The following BPIFB4 variants were observed in gnomAD, a reference collection of about 807,000 sequenced individuals.
BPIFB4 encodes BPI fold containing family B member 4.
Under a neutral mutation model 69.2 loss-of-function variants are expected in BPIFB4, and 62 were observed. The observed-to-expected ratio is 0.90, with a 90% CI of 0.73 to 1.11. The LOEUF is 1.11. Among genes scored for constraint, BPIFB4 ranks in the 50% least tolerant of loss-of-function variants. The pLI is 0.00. For synonymous variants in BPIFB4, 330 were observed against 332.7 expected (o/e 0.99, Z 0.09); for missense variants, 789 against 792.0 (o/e 1.00, Z 0.04).
rs140490150 is a variant in BPIFB4, at chr20:33,101,506, G to T, written c.1637+1013G>T. On this transcript the variant is annotated intron_variant, in intron 14 of 17. Transcript: ENST00000375483. ...AATTATTATTCATTGGATGCTTTCCGTGTGCCAGGTATTTGGCTAAGTCCT... is the reference window on the plus strand; with the variant it reads ...AATTATTATTCATTGGATGCTTTCCTTGTGCCAGGTATTTGGCTAAGTCCT... Among the ~76,000 whole-genome samples, 221 of 152,232 alleles carry T rather than the reference G, an allele frequency of 1.5e-3. 1 individual carries two copies. Among genetic ancestry groups the T allele is most frequent in the African/African-American group, 5.0e-3 (209 of 41,540 alleles).
Position 33,102,904 on chromosome 20 carries a change from T to G in BPIFB4, c.1638-68T>G, listed in dbSNP as rs139507392. 2.8e-3 allele frequency: 4,159 copies of G among 1,493,606 alleles called. 10 individuals are homozygous for G. The highest frequency in any genetic ancestry group is 3.4e-3 in the Admixed American group (206 of 59,762). The allele number at this position is 1,493,606 out of a possible 1,614,324, so 92.5% of individuals were successfully genotyped here. ...AGTGGAGGGGCTTCTCACAATTTGT[T>G]GCAATGCAAGAGCCTTATGATTTTC... On this transcript the variant is annotated intron_variant, in intron 14 of 17. Coordinates refer to ENST00000375483, the MANE Select transcript of BPIFB4 (RefSeq NM_182519.3).
At position 33,111,466 on chromosome 20, in the gene BPIFB4, T is replaced by C. The variant is rs1437162346; in HGVS notation, c.*29T>C. The C allele has an allele frequency of 5.0e-6, 8 of 1,613,780 alleles. No homozygotes were observed. Among genetic ancestry groups the C allele is most frequent in the Non-Finnish European group, 6.8e-6 (8 of 1,179,766 alleles). ...ACAGAGGCAGAGATGCTGCTGCAAC[T>C]GGAAGAAGCTGGAACCAGTCCCAGA... On this transcript the variant is annotated 3_prime_UTR_variant, in exon 18 of 18. Coordinates refer to ENST00000375483, the MANE Select transcript of BPIFB4 (RefSeq NM_182519.3).
At chr20:33,083,319 G>A (rs1246788756) in intron 4 of BPIFB4, 48 bp from the exon 5 acceptor site, 1 of 1,569,138 alleles carries the variant, frequency 6.4e-7, no homozygotes, top group African/African-American at 1.4e-5. Flanking sequence ...CTTTTGGGTG[G>A]TGGCCGACAC....
Position 33,081,552 on chromosome 20 carries a change from C to T in BPIFB4, c.26C>T (p.Ala9Val), listed in dbSNP as rs752760419. Reference sequence around the variant, plus strand: ...ATGTGGATGGCCTGGTGTGTGGCTGCGCTGTCTGTGGTGGCTGTGTGTGGC... The same window carrying T: ...ATGTGGATGGCCTGGTGTGTGGCTGTGCTGTCTGTGGTGGCTGTGTGTGGC... MWMAWCVA[A>V]LSVVAVCGTS... The change falls in exon 3 of 18, where the codon GCG (alanine) becomes GTG (valine). Residue 9 changes from alanine to valine, a missense_variant. Physicochemically the swap from Ala to Val is moderately conservative, Grantham distance 64 (BLOSUM62 0). This residue lies in a region of BPIFB4 where 611 missense variants were observed against 575.4 expected (regional missense o/e 1.06). Coordinates refer to ENST00000375483, the MANE Select transcript of BPIFB4 (RefSeq NM_182519.3). 123 of 1,551,594 alleles carry T rather than the reference C, an allele frequency of 7.9e-5. No homozygotes were observed. Among genetic ancestry groups the T allele is most frequent in the Admixed American group, 1.4e-4 (7 of 50,994 alleles).
intron 13 of BPIFB4, among the ~76,000 whole-genome samples, chr20:33,098,985 CT>C (rs765813463): frequency 0.04 from 5,605 of 141,404 alleles, 164 homozygotes; most frequent in African/African-American, 0.092. Flanking sequence ...CCCTTACTTC[CT>C]TTTTTTTTTT....
chr20:33,090,047 A>T (rs1427694670), intron 9 of BPIFB4, among the ~76,000 whole-genome samples: 9 of 152,196 alleles, frequency 5.9e-5, no homozygotes, highest in Non-Finnish European at 2.9e-5. Context: ...CTGAGTGAAC[A>T]TTCCTGAAAG....
chr20:33,110,409 A>G (rs887337811), intron 17 of BPIFB4, among the ~76,000 whole-genome samples: 1 of 152,218 alleles, frequency 6.6e-6, no homozygotes, highest in African/African-American at 2.4e-5. Context: ...CATGTGACTT[A>G]TTCCTGGAGG....
chr20:33,089,221 A>G (rs538013218), intron 8 of BPIFB4, among the ~76,000 whole-genome samples, 192 bp downstream of exon 8: 20 of 152,188 alleles, frequency 1.3e-4, no homozygotes, highest in Non-Finnish European at 2.8e-4. Flanking sequence ...TGAAGGGCTA[A>G]GGAGAGGGAC....
chr20:33,104,670 C>A, intron 15 of BPIFB4, 140 bp from the exon 16 acceptor site: 1 of 693,422 alleles, frequency 1.4e-6, no homozygotes, highest in Non-Finnish European at 2.4e-6. Flanking sequence ...TCTGGGGTCT[C>A]AGGGGTTCTG....
At chr20:33,084,855 G>A (rs766189931) in intron 5 of BPIFB4, 37 bp from the exon 6 acceptor site, 1 of 1,594,500 alleles carries the variant, frequency 6.3e-7, no homozygotes, top group South Asian at 1.1e-5. Context: ...TGGTAGTTGG[G>A]GTGGCCGGCC....
At chr20:33,089,175 G>A in intron 8 of BPIFB4, 146 bp downstream of exon 8, 1 of 1,284,506 alleles carries the variant, frequency 7.8e-7, no homozygotes, top group Non-Finnish European at 1.1e-6. Context: ...TGGAGGGTCT[G>A]GGGAGGACCC....
In BPIFB4 at chr20:33,083,510, T is replaced by C. The variant is rs760042119; in HGVS notation, c.313T>C (p.Tyr105His). Reference sequence around the variant, plus strand: ...TGCTCAGCTGGGGGGCAAATACCGATATGGTGAGATCCTTGAGTCCGAGGG... The same window carrying C: ...TGCTCAGCTGGGGGGCAAATACCGACATGGTGAGATCCTTGAGTCCGAGGG... Reference protein sequence around the residue: ...NTAQLGGKYRYGEILESEGSI... With the variant: ...NTAQLGGKYRHGEILESEGSI... The change falls in exon 5 of 18, where the codon TAT (tyrosine) becomes CAT (histidine). Residue 105 changes from tyrosine to histidine, a missense_variant. Physicochemically the swap from Tyr to His is moderately conservative, Grantham distance 83. Around this residue, in one of 3 missense-constraint regions of BPIFB4, gnomAD observed 611 missense variants for 575.4 expected, o/e 1.06. Coordinates refer to ENST00000375483, the MANE Select transcript of BPIFB4 (RefSeq NM_182519.3). 6.2e-7 allele frequency: 1 copy of C among 1,613,760 alleles called. No homozygotes were observed. The highest frequency in any genetic ancestry group is 8.5e-7 in the Non-Finnish European group (1 of 1,179,936).
chr20:33,101,737 G>C (rs1981914188), intron 14 of BPIFB4, among the ~76,000 whole-genome samples: 1 of 152,058 alleles, frequency 6.6e-6, no homozygotes, highest in Admixed American at 6.6e-5. Flanking sequence ...GTAGAGACGG[G>C]GTTTCGCCAT....
At position 33,106,376 on chromosome 20, in the gene BPIFB4, C is replaced by CTTT. The variant is rs71190890; in HGVS notation, c.1745-1356_1745-1354dup. Among the ~76,000 whole-genome samples the CTTT allele has an allele frequency of 1.6e-4, 21 of 133,042 alleles. 3 individuals are homozygous for CTTT. The highest frequency in any genetic ancestry group is 2.5e-4 in the African/African-American group (9 of 36,188). 87.3% of individuals were successfully genotyped at this position (133,042 alleles called of 152,430 possible). On this transcript the variant is annotated intron_variant, in intron 16 of 17. Coordinates refer to ENST00000375483, the MANE Select transcript of BPIFB4 (RefSeq NM_182519.3). Reference sequence around the variant, plus strand: ...TGCTGGGGACACAGCTCTTTTCTTTCTTTTTTTTTTTTTTGAGATGGAGTC... The same window carrying CTTT: ...TGCTGGGGACACAGCTCTTTTCTTTCTTTTTTTTTTTTTTTTTGAGATGGAGTC...
intron 16 of BPIFB4, among the ~76,000 whole-genome samples, chr20:33,105,897 T>C (rs888184956): frequency 6.6e-6 from 1 of 151,696 alleles, no homozygotes. Context: ...TGGGGGCGAG[T>C]CTTTTAATCA....
Position 33,094,956 on chromosome 20 carries a change from T to G in BPIFB4, c.1345-144T>G, listed in dbSNP as rs1981715328. ...GTGATGATGGCTGGGTAGGCAGGAC[T>G]TCCCCAGGGGTCTTTCAGGGAGAGA... On this transcript the variant is annotated intron_variant, in intron 11 of 17. Coordinates refer to ENST00000375483, the MANE Select transcript of BPIFB4 (RefSeq NM_182519.3). 4 of 777,536 alleles carry G rather than the reference T, an allele frequency of 5.1e-6. No individual in the cohort carries two copies. The South Asian group carries it at 6.3e-5, about 12-fold the overall frequency. 48.2% of individuals were successfully genotyped at this position (777,536 alleles called of 1,614,324 possible).
intron 17 of BPIFB4, among the ~76,000 whole-genome samples, chr20:33,109,807 A>G (rs1982184117): frequency 6.6e-6 from 1 of 152,216 alleles, no homozygotes; most frequent in South Asian, 2.1e-4. Context: ...CCTGTAATCA[A>G]ATGTGTAATG....
intron 12 of BPIFB4, among the ~76,000 whole-genome samples, chr20:33,097,014 G>T (rs1020591341): frequency 2.0e-5 from 3 of 152,172 alleles, no homozygotes; most frequent in African/African-American, 7.2e-5. Context: ...CAGCAAACAA[G>T]CTCAAGTCCC....
intron 12 of BPIFB4, 129 bp downstream of exon 12, chr20:33,095,282 A>G (rs527607409): frequency 2.1e-6 from 2 of 972,122 alleles, no homozygotes; most frequent in Admixed American, 3.6e-5. Flanking sequence ...TTGGGAGTGC[A>G]GTGACAGTGA....
Sources: allele counts gnomAD v4.1 joint callset (sites outside exome capture counted in the v4.1 genomes callset), GRCh38; gene constraint gnomAD v4.1.1; regional missense constraint gnomAD v4.1.1; transcripts MANE v1.5; gene names NCBI Gene and HGNC (gene_info 2026-07-23, HGNC 2026-07-21).